Variants in FER1L6 observed in about 807,000 individuals in gnomAD.
The protein encoded by FER1L6 is fer-1 like family member 6, also known as fer-1-like protein 6.
A neutral mutation model predicts 219.2 loss-of-function variants in FER1L6; 177 were observed. That is an observed-to-expected ratio of 0.81 (90% confidence interval 0.71 to 0.91). FER1L6 has a LOEUF of 0.91. Among genes scored for constraint, FER1L6 ranks in the 40% least tolerant of loss-of-function variants. The pLI, the probability that FER1L6 is intolerant of heterozygous loss-of-function variation, is 0.00. For missense variants in FER1L6, 2,153 were observed against 2,259.9 expected (o/e 0.95, Z 0.96); for synonymous variants, 768 against 824.3 (o/e 0.93, Z 1.17).
In FER1L6 at chr8:124,118,950, T is replaced by C. The variant is rs750362625; in HGVS notation, c.5390+6T>C. ...GAGCCCCTGGCCAAGCCCAAGTGAG[T>C]GGAGTTGCTAGTGGGAACATCAGAA... On this transcript the variant is annotated splice_donor_region_variant and intron_variant, in intron 40 of 40. Coordinates refer to ENST00000522917, the MANE Select transcript of FER1L6 (RefSeq NM_001039112.2). 4.9e-5 allele frequency: 78 copies of C among 1,608,100 alleles called. No homozygotes were observed. Among genetic ancestry groups the C allele is most frequent in the Non-Finnish European group, 6.5e-5 (77 of 1,177,518 alleles).
rs893745128 is a variant in FER1L6, at chr8:124,021,558, G to A, written c.2022G>A (p.Met674Ile). The stretch of plus-strand genomic sequence containing the variant: ...CTCTTGTCTTGTTTTAGGAAGCAAT[G>A]TGCAAGGAGGCCAAGGGGATCATTC... The part of the protein sequence containing the change: ...LTLCWQELEA[M>I]CKEAKGIIQQ... The change falls in exon 17 of 41, where the codon ATG (methionine) becomes ATA (isoleucine). Residue 674 changes from methionine to isoleucine, a missense_variant. Met to Ile is a conservative substitution (Grantham distance 10). Transcript: ENST00000522917. 1.2e-6 allele frequency: 2 copies of A among 1,614,098 alleles called. No individual in the cohort carries two copies. Among genetic ancestry groups the A allele is most frequent in the Non-Finnish European group, 1.7e-6 (2 of 1,179,950 alleles).
intron 39 of FER1L6, among the ~76,000 whole-genome samples, chr8:124,112,263 A>C (rs1056995676): frequency 8.5e-5 from 13 of 152,130 alleles, no homozygotes; most frequent in Admixed American, 6.5e-5. Flanking sequence ...GTTTATGGCC[A>C]CTGCCACCTG....
intron 7 of FER1L6, among the ~76,000 whole-genome samples, chr8:123,974,755 T>A (rs1815987943): frequency 6.7e-6 from 1 of 149,174 alleles, no homozygotes; most frequent in Non-Finnish European, 1.5e-5. Flanking sequence ...ATGTAAGCCA[T>A]CTTGGAAGTT....
At chr8:124,097,476 C>A in intron 36 of FER1L6, 117 bp downstream of exon 36, 1 of 759,540 alleles carries the variant, frequency 1.3e-6, no homozygotes, top group East Asian at 2.6e-5. Flanking sequence ...ACTATCCACC[C>A]GGCCAGTTTT....
rs1289621183 is a variant in FER1L6 at position 124,119,828 on chromosome 8, T to A, written c.*38T>A. Reference sequence around the variant, plus strand: ...GACCCAGATCCTCGCCATATACTAATCCTCTCTTCCTTATCTGGGAGCATC... The same window carrying A: ...GACCCAGATCCTCGCCATATACTAAACCTCTCTTCCTTATCTGGGAGCATC... On this transcript the variant is annotated 3_prime_UTR_variant, in exon 41 of 41. Coordinates refer to ENST00000522917, the MANE Select transcript of FER1L6 (RefSeq NM_001039112.2). The A allele has an allele frequency of 2.5e-6, 4 of 1,596,856 alleles. No individual in the cohort carries two copies. The highest frequency in any genetic ancestry group is 3.4e-6 in the Non-Finnish European group (4 of 1,171,212).
At chr8:123,865,751 C>T (rs190468267) in intron 1 of FER1L6, among the ~76,000 whole-genome samples, 3,392 of 151,300 alleles carry the variant, frequency 0.022, 302 homozygotes, top group African/African-American at 0.079. Context: ...TTTCCAGGTG[C>T]GTCCGTCACC....
intron 20 of FER1L6, chr8:124,040,617 A>G (rs1384356587): frequency 6.5e-6 from 1 of 154,154 alleles, no homozygotes; most frequent in Non-Finnish European, 1.4e-5. Context: ...AAAGGAAATT[A>G]TTTTTTACAG....
intron 1 of FER1L6, among the ~76,000 whole-genome samples, chr8:123,953,080 G>A (rs1457952771): frequency 1.3e-5 from 2 of 152,176 alleles, no homozygotes; most frequent in African/African-American, 4.8e-5. Flanking sequence ...CAATCTGCCA[G>A]TGGCACCATC....
At chr8:123,894,369 A>G (rs1283842109) in intron 1 of FER1L6, among the ~76,000 whole-genome samples, 2 of 152,186 alleles carry the variant, frequency 1.3e-5, no homozygotes, top group African/African-American at 4.8e-5. Context: ...TCTTGGCTGC[A>G]GCACCTGATT....
chr8:123,853,821 C>T lies in FER1L6; in HGVS notation c.-8+1636C>T, dbSNP rs983699196. Among the ~76,000 whole-genome samples, 6 of 152,290 alleles carry T rather than the reference C, an allele frequency of 3.9e-5. No individual in the cohort carries two copies. Among genetic ancestry groups the T allele is most frequent in the African/African-American group, 7.2e-5 (3 of 41,564 alleles). On this transcript the variant is annotated intron_variant, in intron 1 of 40. Coordinates refer to ENST00000522917, the MANE Select transcript of FER1L6 (RefSeq NM_001039112.2). The surrounding 1 kb of genome is among the most constrained non-coding windows in gnomAD (Gnocchi z 6.6). ...AGAACGATGTAAGAAGGAACAACAT[C>T]GCGGCCTTGATGAAGCCACAGTGAT... is the stretch of plus-strand genomic sequence containing the variant.
chr8:124,093,201 A>G (rs574249537), intron 34 of FER1L6, among the ~76,000 whole-genome samples: 2 of 152,006 alleles, frequency 1.3e-5, no homozygotes, highest in Non-Finnish European at 2.9e-5. Flanking sequence ...GTGCTAAACC[A>G]TCTGTGAGAA....
At chr8:123,903,922 ATTAAC>A (rs1258140277) in intron 1 of FER1L6, among the ~76,000 whole-genome samples, 1 of 152,182 alleles carries the variant, frequency 6.6e-6, no homozygotes, top group Admixed American at 6.5e-5. Context: ...TGACAATTTA[ATTAAC>A]TTATCTTTTC....
At chr8:123,879,997 T>C (rs1817078006) in intron 1 of FER1L6, among the ~76,000 whole-genome samples, 1 of 152,178 alleles carries the variant, frequency 6.6e-6, no homozygotes, top group South Asian at 2.1e-4. Flanking sequence ...CAGACTCTAC[T>C]GAAGGATTGG....
Position 123,973,456 on chromosome 8 carries a change from GA to G in FER1L6, c.472del (p.Ser158ValfsTer3), listed in dbSNP as rs1563717714. ...KISVFHHKLI[G>X]SVLIGSFKVD... ...CAGGTCTTTCACCACAAGCTGATAG[GA>G]AGTGTACTGATTGGCTCTTTCAAAG... On this transcript the variant is annotated frameshift_variant, in exon 7 of 41. Transcript: ENST00000522917. LOFTEE classifies it high-confidence loss of function. 6.2e-7 allele frequency: 1 copy of G among 1,614,020 alleles called. No individual in the cohort carries two copies. Among genetic ancestry groups the G allele is most frequent in the African/African-American group, 1.3e-5 (1 of 75,020 alleles).
At chr8:123,920,576 C>A (rs1813330763) in intron 1 of FER1L6, among the ~76,000 whole-genome samples, 1 of 152,208 alleles carries the variant, frequency 6.6e-6, no homozygotes, top group African/African-American at 2.4e-5. Flanking sequence ...GACCACTTAG[C>A]AGGGCTACAG....
chr8:124,060,266 G>A lies in FER1L6; in HGVS notation c.2961G>A (p.Pro987=), dbSNP rs202094013. Residue 987 remains proline (P), a synonymous_variant, in exon 23 of 41, where the codon CCG becomes CCA. Coordinates refer to ENST00000522917, the MANE Select transcript of FER1L6 (RefSeq NM_001039112.2). ...QIYPVPANIR[P]VLSKYRVEVL... is the part of the protein sequence containing the mutation. The stretch of plus-strand genomic sequence containing the variant: ...ACCCGGTTCCTGCCAACATTCGGCC[G>A]GTGCTGAGCAAATACCGAGTGGAGG... 81 of 1,614,130 alleles carry A rather than the reference G, an allele frequency of 5.0e-5. No homozygotes were observed. In the African/African-American group the frequency reaches 5.6e-4, roughly 11 times the overall value.
At chr8:124,062,635 T>C (rs1402471141) in intron 25 of FER1L6, among the ~76,000 whole-genome samples, 3 of 152,262 alleles carry the variant, frequency 2.0e-5, no homozygotes, top group Non-Finnish European at 4.4e-5. Context: ...TATTACTCGC[T>C]GCATCTACAA....
At chr8:123,942,189 A>T (rs983956042) in intron 1 of FER1L6, among the ~76,000 whole-genome samples, 2 of 152,012 alleles carry the variant, frequency 1.3e-5, no homozygotes, top group African/African-American at 4.8e-5. Flanking sequence ...TACCTGCAGA[A>T]CCTTCTCCCC....
chr8:124,046,663 C>T (rs1369954220), intron 21 of FER1L6: 3 of 152,224 alleles, frequency 2.0e-5, no homozygotes, highest in African/African-American at 4.8e-5. Flanking sequence ...CCCACCTCCT[C>T]GCAGTACTCC....
Sources: allele counts gnomAD v4.1 joint callset (sites outside exome capture counted in the v4.1 genomes callset), GRCh38; gene constraint gnomAD v4.1.1; non-coding constraint Gnocchi (gnomAD v3.1); transcripts MANE v1.5; gene names NCBI Gene and HGNC (gene_info 2026-07-23, HGNC 2026-07-21).